CATSPERB: variants seen among roughly 807,000 people sequenced by gnomAD.
CATSPERB encodes catsper channel auxiliary subunit beta.
In CATSPERB, 93 loss-of-function variants were observed where a neutral mutation model predicts 128.3. The observed-to-expected ratio is 0.72, with a 90% CI of 0.61 to 0.86. The LOEUF is 0.86. CATSPERB is among the 40% of genes least tolerant of loss of function. CATSPERB has a pLI of 0.00. For synonymous variants in CATSPERB, 381 were observed against 448.8 expected (o/e 0.85, Z 1.91); for missense variants, 1,153 against 1,329.5 (o/e 0.87, Z 2.06).
At chr14:91,581,418 C>G (rs1473344305) in intron 26 of CATSPERB, among the ~76,000 whole-genome samples, 1 of 152,216 alleles carries the variant, frequency 6.6e-6, no homozygotes, top group Non-Finnish European at 1.5e-5. Flanking sequence ...GGGCAAAGAG[C>G]TCTGGGAATG....
chr14:91,597,561 T>G (rs1396948541), intron 22 of CATSPERB, among the ~76,000 whole-genome samples: 2 of 152,216 alleles, frequency 1.3e-5, no homozygotes, highest in Non-Finnish European at 2.9e-5. Flanking sequence ...ATATACTGGT[T>G]TTGCATCAGT....
rs1893191691 is a variant in CATSPERB, at chr14:91,580,804, C to T, written c.*85G>A. 4.0e-6 allele frequency: 4 copies of T among 996,620 alleles called. No individual in the cohort carries two copies. The highest frequency in any genetic ancestry group is 2.2e-5 in the Admixed American group (1 of 45,086). The allele number at this position is 996,620 out of a possible 1,614,324, so 61.7% of individuals were successfully genotyped here. ...GACAATTCTTTAGGATTTTATGTAG[C>T]TTGCATATTTAACATTTAAATATAT... On this transcript the variant is annotated 3_prime_UTR_variant, in exon 27 of 27. Transcript: ENST00000256343.
chr14:91,703,569 C>T (rs1230618257), intron 7 of CATSPERB, among the ~76,000 whole-genome samples: 3 of 152,164 alleles, frequency 2.0e-5, no homozygotes, highest in Non-Finnish European at 4.4e-5. Flanking sequence ...AGTGCATCTC[C>T]CAGGAAGTGG....
chr14:91,608,286 T>A lies in CATSPERB; in HGVS notation c.2709+8A>T, dbSNP rs1233300962. The A allele has an allele frequency of 6.5e-7, 1 of 1,538,956 alleles. No homozygotes were observed. Among genetic ancestry groups the A allele is most frequent in the Admixed American group, 1.7e-5 (1 of 58,168 alleles). On this transcript the variant is annotated splice_region_variant and intron_variant, in intron 22 of 26. Transcript: ENST00000256343. ...AAGTGCTAGATTATTTGTAAAAAAG[T>A]TATTTACCTTTGACATGTGAAACAT...
chr14:91,712,571 G>A (rs1302167034), intron 5 of CATSPERB, among the ~76,000 whole-genome samples: 1 of 152,204 alleles, frequency 6.6e-6, no homozygotes, highest in Non-Finnish European at 1.5e-5. Flanking sequence ...CAGGCTAACT[G>A]AGGGCTTTTG....
intron 7 of CATSPERB, among the ~76,000 whole-genome samples, chr14:91,704,328 C>T (rs1895701014): frequency 1.3e-5 from 2 of 152,044 alleles, no homozygotes; most frequent in Admixed American, 1.3e-4. Flanking sequence ...AGGAGACACA[C>T]TAAAGTCACA....
At chr14:91,644,373 G>A (rs1026859529) in intron 15 of CATSPERB, among the ~76,000 whole-genome samples, 5 of 147,494 alleles carry the variant, frequency 3.4e-5, no homozygotes, top group African/African-American at 7.6e-5. Context: ...CATGTTTAGC[G>A]CTTCCTTCAG....
chr14:91,724,871 G>A (rs1410535292), intron 3 of CATSPERB, among the ~76,000 whole-genome samples: 1 of 152,138 alleles, frequency 6.6e-6, no homozygotes, highest in African/African-American at 2.4e-5. Flanking sequence ...AAAACACCCA[G>A]GATGCTCTAT....
chr14:91,650,778 C>T (rs943273151), intron 15 of CATSPERB, among the ~76,000 whole-genome samples: 23 of 152,076 alleles, frequency 1.5e-4, no homozygotes, highest in Non-Finnish European at 2.8e-4. Flanking sequence ...AACATACAGC[C>T]ACAATTTTTG....
intron 5 of CATSPERB, 57 bp downstream of exon 5, chr14:91,719,361 T>G (rs1182948446): frequency 4.8e-6 from 6 of 1,243,318 alleles, no homozygotes; most frequent in Non-Finnish European, 6.7e-6. Flanking sequence ...CTTTTTGTTC[T>G]TTTTATTTGA....
chr14:91,613,692 G>T (rs1893878465), intron 20 of CATSPERB, among the ~76,000 whole-genome samples: 2 of 152,204 alleles, frequency 1.3e-5, no homozygotes, highest in Admixed American at 1.3e-4. Flanking sequence ...CTGGCCTCAT[G>T]GACTGGGCTT....
At chr14:91,585,696 T>C (rs565046348) in intron 26 of CATSPERB, among the ~76,000 whole-genome samples, 65 of 152,354 alleles carry the variant, frequency 4.3e-4, no homozygotes, top group African/African-American at 1.4e-3. Flanking sequence ...GTTGATGTCT[T>C]TTCTCTTCAG....
At chr14:91,678,348 G>T (rs1186854719) in intron 11 of CATSPERB, among the ~76,000 whole-genome samples, 1 of 152,220 alleles carries the variant, frequency 6.6e-6, no homozygotes, top group Non-Finnish European at 1.5e-5. Flanking sequence ...CATGTGAACA[G>T]ATTCCAATTT....
At chr14:91,669,000 C>T (rs1293793314) in intron 14 of CATSPERB, among the ~76,000 whole-genome samples, 1 of 152,146 alleles carries the variant, frequency 6.6e-6, no homozygotes, top group East Asian at 1.9e-4. Flanking sequence ...CAAGGCCTTC[C>T]CAGCCAGGCA....
chr14:91,590,083 T>C (rs1337505259), intron 23 of CATSPERB, among the ~76,000 whole-genome samples: 2 of 152,312 alleles, frequency 1.3e-5, no homozygotes, highest in African/African-American at 4.8e-5. Context: ...ATGTTAATAA[T>C]GCGATCTTTG....
At chr14:91,632,792 A>G (rs1595155931) in intron 17 of CATSPERB, among the ~76,000 whole-genome samples, 2 of 146,430 alleles carry the variant, frequency 1.4e-5, no homozygotes, top group Middle Eastern at 7.0e-3. Flanking sequence ...GCTCTAGCCC[A>G]CTGATTGAGT....
intron 6 of CATSPERB, among the ~76,000 whole-genome samples, chr14:91,706,942 T>C (rs1279443266): frequency 6.6e-6 from 1 of 152,190 alleles, no homozygotes; most frequent in Admixed American, 6.5e-5. Flanking sequence ...AAGGGGACTA[T>C]TGCAACAACT....
intron 19 of CATSPERB, among the ~76,000 whole-genome samples, chr14:91,619,372 AG>A (rs2139785469): frequency 6.6e-6 from 1 of 152,312 alleles, no homozygotes; most frequent in Non-Finnish European, 1.5e-5. Flanking sequence ...TGAAGGAAAT[AG>A]GGACAATTAG....
intron 7 of CATSPERB, among the ~76,000 whole-genome samples, chr14:91,703,808 G>A (rs1188678344): frequency 1.3e-5 from 2 of 152,086 alleles, no homozygotes; most frequent in Non-Finnish European, 2.9e-5. Flanking sequence ...CTAAATAAAC[G>A]TTCCCCTGAG....
Sources: gnomAD v4.1 joint callset for allele counts (sites outside exome capture counted in the v4.1 genomes callset) on GRCh38, gnomAD v4.1.1 for gene constraint, MANE v1.5 for transcripts, NCBI Gene and HGNC (gene_info 2026-07-23, HGNC 2026-07-21) for gene names.